The following SMG6 variants were observed in gnomAD, a reference collection of about 807,000 sequenced individuals.
SMG6 encodes the protein telomerase-binding protein EST1A.
In SMG6, 66 loss-of-function variants were observed where a neutral mutation model predicts 142.2. That is an observed-to-expected ratio of 0.46 (90% CI 0.38 to 0.57). The LOEUF (loss-of-function observed/expected upper bound fraction) is 0.57, where lower values mean the gene tolerates loss of function less well. SMG6 is among the 20% of genes least tolerant of loss of function. SMG6 has a pLI of 0.00. For synonymous variants in SMG6, 779 were observed against 702.4 expected (o/e 1.11, Z -1.72); for missense variants, 1,793 against 1,832.0 (o/e 0.98, Z 0.39).
intron 10 of SMG6, among the ~76,000 whole-genome samples, chr17:2,190,542 C>G (rs1206633394): frequency 2.0e-5 from 3 of 152,204 alleles, no homozygotes; most frequent in Non-Finnish European, 1.5e-5. Context: ...TCTCAGAGTT[C>G]AAGGTGGGGG....
chr17:2,284,101 A>G lies in SMG6; in HGVS notation c.2338-366T>C, dbSNP rs188804474. The stretch of plus-strand genomic sequence containing the variant: ...TCAGAGAGTCAGTATGCTATAATGA[A>G]ATCACGAAATTACAAGCCAGACAGA... On this transcript the variant is annotated intron_variant, in intron 6 of 18. Transcript: ENST00000263073. 5.9e-5 allele frequency among the ~76,000 whole-genome samples: 9 copies of G among 152,330 alleles called. No individual in the cohort carries two copies. In the East Asian group the frequency reaches 1.5e-3, roughly 26 times the overall value.
chr17:2,134,563 A>G (rs1258759745), intron 13 of SMG6, among the ~76,000 whole-genome samples: 1 of 152,144 alleles, frequency 6.6e-6, no homozygotes, highest in Non-Finnish European at 1.5e-5. Flanking sequence ...AGATTGGAAA[A>G]GCAAGTGTTA....
At chr17:2,096,843 A>AC (rs144879373) in intron 13 of SMG6, among the ~76,000 whole-genome samples, 20,783 of 152,166 alleles carry the variant, frequency 0.14, 3,478 homozygotes, top group African/African-American at 0.4. Flanking sequence ...CAGGAACCTC[A>AC]CACTAACCTC....
chr17:2,244,965 G>A (rs953698958), intron 8 of SMG6: 1 of 532,448 alleles, frequency 1.9e-6, no homozygotes, highest in Non-Finnish European at 3.4e-6. Context: ...AGTGGCACCT[G>A]TGTGCAGGGG....
intron 13 of SMG6, among the ~76,000 whole-genome samples, chr17:2,166,018 C>T (rs1301419238): frequency 3.9e-5 from 6 of 152,154 alleles, no homozygotes; most frequent in Non-Finnish European, 8.8e-5. Context: ...CTGAGACCAG[C>T]CTGGCCGACA....
At position 2,299,988 on chromosome 17, in the gene SMG6, G is replaced by C; in HGVS notation, c.765C>G (p.Arg255=). 6.2e-7 allele frequency: 1 copy of C among 1,614,106 alleles called. No homozygotes were observed. Among genetic ancestry groups the C allele is most frequent in the South Asian group, 1.1e-5 (1 of 91,086 alleles). The change falls in exon 2 of 19, where the codon CGC becomes CGG. Residue 255 remains arginine (R), a synonymous_variant. Transcript: ENST00000263073. This position sits in a 1 kb window ranked among gnomAD's most constrained non-coding sequence, Gnocchi z 4.3. The part of the protein sequence containing the change: ...SRSDKRRNRY[R]TRSTSSAGSN... Reference sequence around the variant, plus strand: ...TGCCAGCTGAGCTGGTGCTGCGCGTGCGGTAGCGATTCCTTCGTTTGTCTG... The same window carrying C: ...TGCCAGCTGAGCTGGTGCTGCGCGTCCGGTAGCGATTCCTTCGTTTGTCTG...
In SMG6 at chr17:2,299,253, C is replaced by CTT; in HGVS notation, c.1498_1499dup (p.Phe501SerfsTer65). 6.2e-7 allele frequency: 1 copy of CTT among 1,614,032 alleles called. No homozygotes were observed. The highest frequency in any genetic ancestry group is 8.5e-7 in the Non-Finnish European group (1 of 1,180,000). ...AATAGGGGTTGTCAGAGTTTTGAAA[C>CTT]TTATAGTAAGATGCCTGAGCCTGGC... On this transcript the variant is annotated frameshift_variant, in exon 2 of 19. Transcript: ENST00000263073. LOFTEE classifies it high-confidence loss of function. The surrounding 1 kb of genome is among the most constrained non-coding windows in gnomAD (Gnocchi z 4.3).
At chr17:2,262,356 T>G (rs1567728031) in intron 8 of SMG6, among the ~76,000 whole-genome samples, 2 of 152,238 alleles carry the variant, frequency 1.3e-5, no homozygotes, top group African/African-American at 4.8e-5. Flanking sequence ...CTTCTAAGCT[T>G]GAGCCAAATC....
At chr17:2,075,545 AG>A (rs2068234242) in intron 15 of SMG6, among the ~76,000 whole-genome samples, 1 of 152,214 alleles carries the variant, frequency 6.6e-6, no homozygotes, top group African/African-American at 2.4e-5. Flanking sequence ...GGGGATTCAC[AG>A]GGCCAGGGCC....
chr17:2,200,037 T>G (rs976562611), intron 10 of SMG6: 4 of 150,980 alleles, frequency 2.6e-5, no homozygotes, highest in Non-Finnish European at 5.9e-5. Context: ...TTCTCCTGCC[T>G]CAGCCTCCCG....
chr17:2,225,203 C>T (rs190651776), intron 10 of SMG6, among the ~76,000 whole-genome samples: 389 of 152,016 alleles, frequency 2.6e-3, no homozygotes, highest in Admixed American at 5.0e-3. Context: ...TAAGGCCAGG[C>T]GCAGTGGCTC....
intron 13 of SMG6, among the ~76,000 whole-genome samples, chr17:2,107,839 A>G (rs1485296233): frequency 2.0e-5 from 3 of 152,220 alleles, no homozygotes; most frequent in Non-Finnish European, 4.4e-5. Flanking sequence ...ATGGTGCCGA[A>G]AGGAGGCCAG....
intron 2 of SMG6, 138 bp downstream of exon 2, chr17:2,298,768 C>G: frequency 1.4e-6 from 1 of 704,034 alleles, no homozygotes; most frequent in Admixed American, 2.5e-5. Context: ...CTGTTTCCAA[C>G]TGCCCTTCCC....
At chr17:2,186,537 TA>T in intron 12 of SMG6, 125 bp downstream of exon 12, 1 of 1,134,256 alleles carries the variant, frequency 8.8e-7, no homozygotes, top group Non-Finnish European at 1.2e-6. Flanking sequence ...AAAGTTCAAA[TA>T]AAGAAGAAAT....
chr17:2,123,896 A>G (rs1348487444), intron 13 of SMG6, among the ~76,000 whole-genome samples: 1 of 152,238 alleles, frequency 6.6e-6, no homozygotes, highest in Non-Finnish European at 1.5e-5. Flanking sequence ...CAGAGCAGGA[A>G]GAGAGTGCTA....
intron 13 of SMG6, among the ~76,000 whole-genome samples, chr17:2,131,798 CG>C (rs1567623131): frequency 1.3e-5 from 2 of 152,164 alleles, no homozygotes; most frequent in Non-Finnish European, 2.9e-5. Flanking sequence ...CGGTGGCACA[CG>C]CCTGTAATTC....
intron 13 of SMG6, among the ~76,000 whole-genome samples, chr17:2,121,645 G>A (rs905272160): frequency 6.0e-5 from 6 of 100,004 alleles, no homozygotes; most frequent in Admixed American, 4.4e-4. Flanking sequence ...GTGTGTGTGT[G>A]TAGAGAGAGA....
intron 6 of SMG6, among the ~76,000 whole-genome samples, chr17:2,286,539 G>A (rs140413896): frequency 2.0e-5 from 3 of 152,186 alleles, no homozygotes; most frequent in Admixed American, 6.5e-5. Flanking sequence ...CTGAGAGAAT[G>A]TAATAACCAC....
intron 8 of SMG6, among the ~76,000 whole-genome samples, chr17:2,274,239 C>G (rs2074600857): frequency 6.6e-6 from 1 of 152,126 alleles, no homozygotes; most frequent in Non-Finnish European, 1.5e-5. Flanking sequence ...AGTTTGCTGA[C>G]CTATACACTA....
Sources: gnomAD v4.1 joint callset for allele counts (sites outside exome capture counted in the v4.1 genomes callset) on GRCh38, gnomAD v4.1.1 for gene constraint, Gnocchi (gnomAD v3.1) non-coding constraint, MANE v1.5 for transcripts, NCBI Gene and HGNC (gene_info 2026-07-23, HGNC 2026-07-21) for gene names.